POR: variants seen among roughly 807,000 people sequenced by gnomAD.
POR encodes the protein NADPH--cytochrome P450 reductase.
Under a neutral mutation model 84.0 loss-of-function variants are expected in POR, and 56 were observed. The ratio of observed to expected loss-of-function variants is 0.67; its 90% CI spans 0.54 to 0.83. The LOEUF is 0.83. POR is among the 40% of genes least tolerant of loss of function. The pLI is 0.00. For missense variants in POR, 938 were observed against 944.3 expected (o/e 0.99, Z 0.09); for synonymous variants, 414 against 400.5 (o/e 1.03, Z -0.40).
chr7:75,936,139 T>G (rs1440396885), intron 1 of POR, among the ~76,000 whole-genome samples: 2 of 145,226 alleles, frequency 1.4e-5, no homozygotes, highest in Non-Finnish European at 3.0e-5. Flanking sequence ...TCACCCAGGC[T>G]AGAGTGCAAT....
At position 75,986,385 on chromosome 7, in the gene POR, C is replaced by T. The variant is rs375966522; in HGVS notation, c.1947C>T (p.Ile649=). 34 of 1,612,576 alleles carry T rather than the reference C, an allele frequency of 2.1e-5. No homozygotes were observed. Among genetic ancestry groups the T allele is most frequent in the Non-Finnish European group, 2.8e-5 (33 of 1,179,864 alleles). ...ATGTGCAGAACACCTTCTACGACATCGTGGCTGAGCTCGGGGCCATGGAGC... is the reference window on the plus strand; with the variant it reads ...ATGTGCAGAACACCTTCTACGACATTGTGGCTGAGCTCGGGGCCATGGAGC... The change falls in exon 16 of 16, where the codon ATC becomes ATT. Residue 649 remains isoleucine (I), a synonymous_variant. Coordinates refer to ENST00000461988, the MANE Select transcript of POR (RefSeq NM_000941.3).
chr7:75,938,802 A>G (rs574648840), intron 1 of POR, among the ~76,000 whole-genome samples: 1 of 152,290 alleles, frequency 6.6e-6, no homozygotes, highest in South Asian at 2.1e-4. Flanking sequence ...GCATCCCCAC[A>G]TAAAAACACA....
At chr7:75,978,205 A>G (rs1788785717) in intron 3 of POR, among the ~76,000 whole-genome samples, 1 of 152,216 alleles carries the variant, frequency 6.6e-6, no homozygotes, top group Non-Finnish European at 1.5e-5. Flanking sequence ...TTTGATATAC[A>G]TATCTATTAT....
At position 75,928,966 on chromosome 7, in the gene POR, G is replaced by A. The variant is rs76898857; in HGVS notation, c.-5+13787G>A. On this transcript the variant is annotated intron_variant, in intron 1 of 15. Coordinates refer to ENST00000461988, the MANE Select transcript of POR (RefSeq NM_000941.3). ...TTGGGTAACCTAGTGTACCTGTCTC[G>A]AGCAGCAGGCATAGTACAATGTCAG... Among the ~76,000 whole-genome samples, 1,013 of 152,166 alleles carry A rather than the reference G, an allele frequency of 6.7e-3. 7 individuals carry two copies. Among genetic ancestry groups the A allele is most frequent in the Middle Eastern group, 0.024 (7 of 294 alleles).
At chr7:75,930,890 A>G (rs1807382285) in intron 1 of POR, among the ~76,000 whole-genome samples, 1 of 152,070 alleles carries the variant, frequency 6.6e-6, no homozygotes, top group African/African-American at 2.4e-5. Context: ...TGTTGGGATC[A>G]TATCTCACTG....
In POR at chr7:75,979,512, G is replaced by T; in HGVS notation, c.299G>T (p.Arg100Leu). The stretch of plus-strand genomic sequence containing the variant: ...GGGACTGCAGAGGAGTTTGCCAACC[G>T]CCTGTCCAAGGACGCCCACCGCTAC... Residue 100 changes from arginine to leucine, a missense_variant, in exon 4 of 16, where the codon CGC becomes CTC. Arg to Leu is a moderately radical substitution (Grantham distance 102, BLOSUM62 -2). Transcript: ENST00000461988. 6.2e-7 allele frequency: 1 copy of T among 1,613,460 alleles called. No individual in the cohort carries two copies. Among genetic ancestry groups the T allele is most frequent in the Admixed American group, 1.7e-5 (1 of 60,012 alleles).
intron 3 of POR, among the ~76,000 whole-genome samples, chr7:75,976,811 A>T (rs1451080775): frequency 6.6e-6 from 1 of 152,188 alleles, no homozygotes. Flanking sequence ...GGAACTTTAA[A>T]AAGTATAAGA....
intron 3 of POR, among the ~76,000 whole-genome samples, chr7:75,976,515 C>T (rs901790345): frequency 1.6e-4 from 24 of 150,906 alleles, no homozygotes; most frequent in African/African-American, 5.6e-4. Context: ...GAGGCTGAGA[C>T]GGGCGGATCA....
At chr7:75,962,405 C>T (rs1554554627) in intron 2 of POR, among the ~76,000 whole-genome samples, 1 of 152,098 alleles carries the variant, frequency 6.6e-6, no homozygotes, top group Non-Finnish European at 1.5e-5. Context: ...GGGGATCGTC[C>T]CATCTCAGCC....
Position 75,933,387 on chromosome 7 carries a change from T to TG in POR, c.-5+18208_-5+18209insG, listed in dbSNP as rs1807516073. 6.6e-5 allele frequency among the ~76,000 whole-genome samples: 6 copies of TG among 90,680 alleles called. No homozygotes were observed. The South Asian group carries it at 1.3e-3, about 19-fold the overall frequency. 59.5% of individuals were successfully genotyped at this position (90,680 alleles called of 152,430 possible). A position where few individuals can be genotyped will look rare whatever the true frequency, so the allele number is the denominator to read the frequency against. On this transcript the variant is annotated intron_variant, in intron 1 of 15. Coordinates refer to ENST00000461988, the MANE Select transcript of POR (RefSeq NM_000941.3). ...TACAATAGGTCTTTGTTTTTTTTTTTTTTTTTTTTTTTTTTTTTTGAGCGG... is the reference window on the plus strand; with the variant it reads ...TACAATAGGTCTTTGTTTTTTTTTTTGTTTTTTTTTTTTTTTTTTTGAGCGG...
chr7:75,923,899 AAAAAG>A lies in POR; in HGVS notation c.-5+8732_-5+8736del, dbSNP rs1554549153. Among the ~76,000 whole-genome samples the A allele has an allele frequency of 9.9e-5, 15 of 152,114 alleles. No homozygotes were observed. The East Asian group carries it at 1.2e-3, about 12-fold the overall frequency. ...GCGAAACTCCATCTCAAAAAAAAAA[AAAAAG>A]AAAAGAAAAGACAGTAGCTTACGTT... On this transcript the variant is annotated intron_variant, in intron 1 of 15. Transcript: ENST00000461988.
chr7:75,983,638 T>C lies in POR; in HGVS notation c.947+2T>C. The C allele has an allele frequency of 6.2e-7, 1 of 1,612,120 alleles. No individual in the cohort carries two copies. Among genetic ancestry groups the C allele is most frequent in the South Asian group, 1.1e-5 (1 of 91,066 alleles). On this transcript the variant is annotated splice_donor_variant, in intron 9 of 15. Coordinates refer to ENST00000461988, the MANE Select transcript of POR (RefSeq NM_000941.3). LOFTEE classifies it high-confidence loss of function. ...GGACATCTCGGACTCCAAAATCAGG[T>C]ACCAGCTGCCACTGTCACCCCCTGA... is the stretch of plus-strand genomic sequence containing the variant.
intron 4 of POR, 22 bp from the exon 5 acceptor site, chr7:75,980,317 G>A (rs782607811): frequency 2.0e-5 from 32 of 1,606,962 alleles, no homozygotes; most frequent in East Asian, 1.3e-4. Context: ...GCCGGGGCGC[G>A]GTCCTGTCCC....
chr7:75,937,471 CAAAAAAAAAAA>C (rs782343328), intron 1 of POR, among the ~76,000 whole-genome samples: 3 of 20,144 alleles, frequency 1.5e-4, no homozygotes, highest in South Asian at 4.0e-3. Context: ...GACCCTGTCT[CAAAAAAAAAAA>C]AAAAAAAAAA....
intron 10 of POR, among the ~76,000 whole-genome samples, chr7:75,984,321 C>G (rs1200802096): frequency 1.3e-5 from 2 of 152,174 alleles, no homozygotes; most frequent in African/African-American, 4.8e-5. Context: ...TGGGGCTGCC[C>G]AGCCTGAGCC....
At chr7:75,980,709 G>A (rs781906420) in intron 5 of POR, 3 of 1,521,024 alleles carry the variant, frequency 2.0e-6, no homozygotes, top group East Asian at 2.5e-5. Flanking sequence ...GGCATTGGGT[G>A]CTGGAGACTA....
chr7:75,934,806 C>T (rs782117438), intron 1 of POR, among the ~76,000 whole-genome samples: 14 of 152,200 alleles, frequency 9.2e-5, no homozygotes, highest in African/African-American at 2.9e-4. Context: ...GAGCCTTGGC[C>T]GCTTCAATGT....
At chr7:75,953,956 C>T (rs1554553293) in intron 1 of POR, 33 bp from the exon 2 acceptor site, 18 of 1,516,296 alleles carry the variant, frequency 1.2e-5, no homozygotes, top group Non-Finnish European at 1.6e-5. Flanking sequence ...CTGCTACCCT[C>T]TGCTGACATC....
rs868939438 is a variant in POR at position 75,955,475 on chromosome 7, G to T, written c.188+1295G>T. The stretch of plus-strand genomic sequence containing the variant: ...GGCCAGAATTACTTCCTGCGGTTAC[G>T]CTTGGCTGTGTTTAACACCAGTCTC... On this transcript the variant is annotated intron_variant, in intron 2 of 15. Transcript: ENST00000461988. Among the ~76,000 whole-genome samples, 14 of 152,066 alleles carry T rather than the reference G, an allele frequency of 9.2e-5. 1 individual carries two copies. The highest frequency in any genetic ancestry group is 1.5e-5 in the Non-Finnish European group (1 of 68,024).
Sources: gnomAD v4.1 joint callset for allele counts (sites outside exome capture counted in the v4.1 genomes callset) on GRCh38, gnomAD v4.1.1 for gene constraint, MANE v1.5 for transcripts, NCBI Gene and HGNC (gene_info 2026-07-23, HGNC 2026-07-21) for gene names.